CACNA2D3: variants seen among roughly 807,000 people sequenced by gnomAD.
CACNA2D3 encodes voltage-dependent calcium channel subunit alpha-2/delta-3.
In CACNA2D3, 60 loss-of-function variants were observed where a neutral mutation model predicts 160.6. The observed-to-expected ratio is 0.37, with a 90% CI of 0.30 to 0.46. The LOEUF (loss-of-function observed/expected upper bound fraction) is 0.46. Ranked by LOEUF, CACNA2D3 falls within the 20% of genes least tolerant of loss-of-function variation. CACNA2D3 has a pLI of 1.00. For synonymous variants in CACNA2D3, 558 were observed against 492.9 expected (o/e 1.13, Z -1.75); for missense variants, 1,205 against 1,365.0 (o/e 0.88, Z 1.85).
At chr3:54,977,600 T>C (rs1454812677) in intron 29 of CACNA2D3, among the ~76,000 whole-genome samples, 5 of 152,196 alleles carry the variant, frequency 3.3e-5, no homozygotes, top group Admixed American at 6.6e-5. Flanking sequence ...TGTGGCCTTA[T>C]ATGCAGCTGT....
At position 54,533,974 on chromosome 3, in the gene CACNA2D3, T is replaced by C. The variant is rs373677032; in HGVS notation, c.545-28826T>C. On this transcript the variant is annotated intron_variant, in intron 5 of 37. Transcript: ENST00000474759. ...GTGAATGTTTCCAAATAAAAACATA[T>C]TTATTAACCACTGTGGTTATCCTGG... Among the ~76,000 whole-genome samples the C allele has an allele frequency of 1.4e-4, 21 of 152,318 alleles. No individual in the cohort carries two copies. The East Asian group carries it at 2.1e-3, about 15-fold the overall frequency.
intron 2 of CACNA2D3, among the ~76,000 whole-genome samples, chr3:54,248,084 C>T (rs563817231): frequency 6.6e-6 from 1 of 152,160 alleles, no homozygotes; most frequent in South Asian, 2.1e-4. Flanking sequence ...GTCCTCCCAC[C>T]TCCAAAAGGT....
intron 5 of CACNA2D3, among the ~76,000 whole-genome samples, chr3:54,559,714 G>A (rs1702296001): frequency 6.6e-6 from 1 of 152,138 alleles, no homozygotes; most frequent in African/African-American, 2.4e-5. Context: ...GTACATATTA[G>A]TTATTTTTCC....
chr3:54,907,120 G>A (rs1373121087), intron 27 of CACNA2D3, among the ~76,000 whole-genome samples: 1 of 152,146 alleles, frequency 6.6e-6, no homozygotes, highest in African/African-American at 2.4e-5. Context: ...GCAGAATTTT[G>A]GGGTGACACA....
At chr3:54,928,948 C>A (rs1701108942) in intron 27 of CACNA2D3, among the ~76,000 whole-genome samples, 1 of 152,132 alleles carries the variant, frequency 6.6e-6, no homozygotes, top group Non-Finnish European at 1.5e-5. Context: ...ATGTGGAAAT[C>A]CCCTGCCATT....
chr3:54,168,112 T>G (rs773004390), intron 2 of CACNA2D3, among the ~76,000 whole-genome samples: 91 of 152,300 alleles, frequency 6.0e-4, no homozygotes, highest in Admixed American at 1.0e-3. Flanking sequence ...TAGTGAGCCC[T>G]TCAGTAGAGC....
At position 55,074,440 on chromosome 3, in the gene CACNA2D3, T is replaced by TAATCAATC. The variant is rs139191980; in HGVS notation, c.*239_*240insATCAATCA. ...ATGCAAATGTGAGTTTGCCACATGA[T>TAATCAATC]AATCACCCTTCATCAGAAATGGGAC... On this transcript the variant is annotated 3_prime_UTR_variant, in exon 38 of 38. Coordinates refer to ENST00000474759, the MANE Select transcript of CACNA2D3 (RefSeq NM_018398.3). 1.9e-6 allele frequency: 1 copy of TAATCAATC among 531,498 alleles called. No homozygotes were observed. Among genetic ancestry groups the TAATCAATC allele is most frequent in the Non-Finnish European group, 3.4e-6 (1 of 296,854 alleles). The allele number at this position is 531,498 out of a possible 1,614,324, so 32.9% of individuals were successfully genotyped here.
intron 2 of CACNA2D3, among the ~76,000 whole-genome samples, chr3:54,245,661 CAG>C (rs1253697869): frequency 5.3e-5 from 8 of 152,182 alleles, no homozygotes; most frequent in Non-Finnish European, 8.8e-5. Flanking sequence ...GCTTGAGAAA[CAG>C]AGCATCTATT....
At chr3:54,792,402 T>C (rs1239347362) in intron 13 of CACNA2D3, among the ~76,000 whole-genome samples, 1 of 152,208 alleles carries the variant, frequency 6.6e-6, no homozygotes, top group Non-Finnish European at 1.5e-5. Context: ...TCAGGCTTCT[T>C]TGGCTGTGAC....
At chr3:54,355,479 G>A (rs1698633367) in intron 3 of CACNA2D3, among the ~76,000 whole-genome samples, 1 of 152,168 alleles carries the variant, frequency 6.6e-6, no homozygotes, top group East Asian at 1.9e-4. Context: ...GTATGGTCAG[G>A]ATATATTTGA....
intron 4 of CACNA2D3, among the ~76,000 whole-genome samples, chr3:54,470,553 C>A (rs1197484135): frequency 1.3e-5 from 2 of 152,260 alleles, no homozygotes; most frequent in African/African-American, 4.8e-5. Flanking sequence ...CAGCTAGAAT[C>A]ATAATGAAAG....
At chr3:54,553,506 G>C (rs1029247838) in intron 5 of CACNA2D3, among the ~76,000 whole-genome samples, 1 of 152,170 alleles carries the variant, frequency 6.6e-6, no homozygotes, top group Non-Finnish European at 1.5e-5. Context: ...CTCCAGCCTT[G>C]TTTAAGGCAG....
chr3:54,549,828 T>C (rs995515002), intron 5 of CACNA2D3, among the ~76,000 whole-genome samples: 1 of 152,284 alleles, frequency 6.6e-6, no homozygotes, highest in Admixed American at 6.5e-5. Flanking sequence ...AAAAAGCTGA[T>C]AGCATCAGCC....
chr3:54,407,896 C>T (rs957583736), intron 4 of CACNA2D3, among the ~76,000 whole-genome samples: 8 of 152,166 alleles, frequency 5.3e-5, no homozygotes, highest in South Asian at 2.1e-4. Flanking sequence ...TTTGCTCATC[C>T]GTAAAAGGAT....
At chr3:54,744,383 G>C (rs1701709815) in intron 11 of CACNA2D3, among the ~76,000 whole-genome samples, 1 of 152,178 alleles carries the variant, frequency 6.6e-6, no homozygotes, top group Non-Finnish European at 1.5e-5. Context: ...CCTGGGTTTT[G>C]GTGGAGGAAA....
chr3:55,037,966 T>C (rs1446407290), intron 35 of CACNA2D3, among the ~76,000 whole-genome samples: 1 of 152,230 alleles, frequency 6.6e-6, no homozygotes, highest in African/African-American at 2.4e-5. Context: ...ACTGGGGTCT[T>C]GTCCTTGAGT....
chr3:54,285,606 A>C (rs952007371), intron 2 of CACNA2D3, among the ~76,000 whole-genome samples: 16 of 152,190 alleles, frequency 1.1e-4, no homozygotes, highest in African/African-American at 3.9e-4. Context: ...ACACAGCTGG[A>C]GATCTGAGAA....
At chr3:54,862,433 C>T (rs1384753705) in intron 17 of CACNA2D3, among the ~76,000 whole-genome samples, 2 of 152,058 alleles carry the variant, frequency 1.3e-5, no homozygotes, top group East Asian at 3.9e-4. Context: ...GATGAAGGCT[C>T]AGCATTCTGA....
intron 2 of CACNA2D3, among the ~76,000 whole-genome samples, chr3:54,285,423 A>G (rs894235568): frequency 5.3e-5 from 8 of 152,186 alleles, no homozygotes; most frequent in African/African-American, 7.2e-5. Flanking sequence ...GGTAAACAAA[A>G]CAGCCGGGAA....
Sources: gnomAD v4.1 joint callset for allele counts (sites outside exome capture counted in the v4.1 genomes callset) on GRCh38, gnomAD v4.1.1 for gene constraint, MANE v1.5 for transcripts, NCBI Gene and HGNC (gene_info 2026-07-23, HGNC 2026-07-21) for gene names.